The following SCGB2B2 variants were observed in gnomAD, a reference collection of about 807,000 sequenced individuals.
SCGB2B2 encodes secretoglobin family 2B member 2.
A neutral mutation model predicts 7.6 loss-of-function variants in SCGB2B2; 11 were observed. That is an observed-to-expected ratio of 1.45 (90% CI 0.91 to 2.40). SCGB2B2 has a LOEUF of 2.40. Ranked by LOEUF, SCGB2B2 falls within the 30% of genes most tolerant of loss-of-function variation. The pLI, the probability that SCGB2B2 is intolerant of heterozygous loss-of-function variation, is 0.00. For synonymous variants in SCGB2B2, 50 were observed against 48.6 expected, an observed-to-expected ratio of 1.03 and a Z score of -0.12; for missense variants, 104 against 115.4, an observed-to-expected ratio of 0.90 and a Z score of 0.45.
chr19:34,618,083 C>T (rs2066139713), intron 1 of SCGB2B2, among the ~76,000 whole-genome samples: 1 of 152,228 alleles, frequency 6.6e-6, no homozygotes, highest in Non-Finnish European at 1.5e-5. Flanking sequence ...ATGCAGAAAT[C>T]ACTCGTCTTC....
intron 1 of SCGB2B2, among the ~76,000 whole-genome samples, chr19:34,659,016 TAA>T (rs1222787210): frequency 6.6e-6 from 1 of 152,080 alleles, no homozygotes; most frequent in Non-Finnish European, 1.5e-5. Context: ...ATCCATCACA[TAA>T]ACAGAACCAA....
intron 1 of SCGB2B2, among the ~76,000 whole-genome samples, chr19:34,660,042 C>T (rs1600068682): frequency 6.6e-6 from 1 of 152,266 alleles, no homozygotes. Flanking sequence ...GAAAGGATTC[C>T]CTATTTAATA....
chr19:34,597,341 T>TGCCAGG (rs1273800165), intron 1 of SCGB2B2, among the ~76,000 whole-genome samples: 4 of 150,962 alleles, frequency 2.6e-5, no homozygotes, highest in South Asian at 2.1e-4. Context: ...GCACTTTCTA[T>TGCCAGG]GCCAGGGCCA....
intron 1 of SCGB2B2, among the ~76,000 whole-genome samples, chr19:34,659,105 A>C (rs184814086): frequency 1.3e-3 from 199 of 152,220 alleles, no homozygotes; most frequent in African/African-American, 4.6e-3. Flanking sequence ...CATCCTAAAA[A>C]CTCTCAATAA....
At chr19:34,619,559 T>A (rs908600855) in intron 1 of SCGB2B2, among the ~76,000 whole-genome samples, 8 of 151,886 alleles carry the variant, frequency 5.3e-5, no homozygotes, top group African/African-American at 1.9e-4. Context: ...AGATGTAGAA[T>A]CTCCCCAAAG....
intron 1 of SCGB2B2, among the ~76,000 whole-genome samples, chr19:34,673,182 G>C (rs1444137370): frequency 3.9e-5 from 6 of 152,170 alleles, no homozygotes; most frequent in Admixed American, 3.9e-4. Context: ...TAGTGGAAGG[G>C]AGTGGGTTGA....
chr19:34,608,472 C>G (rs548019266), intron 1 of SCGB2B2, among the ~76,000 whole-genome samples: 16 of 150,808 alleles, frequency 1.1e-4, no homozygotes, highest in Admixed American at 7.3e-4. Context: ...TTTTCCTTGC[C>G]TCTAGTGACC....
chr19:34,659,133 C>T (rs150489556), intron 1 of SCGB2B2, among the ~76,000 whole-genome samples: 243 of 152,196 alleles, frequency 1.6e-3, no homozygotes, highest in Middle Eastern at 3.4e-3. Flanking sequence ...ATTGATGGGA[C>T]GTATCTCAAA....
At chr19:34,644,979 C>G (rs2066955913) in intron 1 of SCGB2B2, among the ~76,000 whole-genome samples, 1 of 152,224 alleles carries the variant, frequency 6.6e-6, no homozygotes, top group Admixed American at 6.5e-5. Flanking sequence ...CACAGATGAG[C>G]AAGCTGAGTT....
intron 1 of SCGB2B2, among the ~76,000 whole-genome samples, chr19:34,666,513 ACAGGAAGGGGGCGGGTACCTGG>A (rs2067626957): frequency 6.6e-6 from 1 of 151,930 alleles, no homozygotes; most frequent in East Asian, 1.9e-4. Flanking sequence ...GCACCACCGG[ACAGGAAGGGGGCGGGTACCTGG>A]CAGATGCCAC....
intron 1 of SCGB2B2, among the ~76,000 whole-genome samples, chr19:34,660,944 A>G (rs541187600): frequency 6.6e-6 from 1 of 152,240 alleles, no homozygotes; most frequent in Non-Finnish European, 1.5e-5. Context: ...CTATGCAGCC[A>G]TAAGAATGGA....
chr19:34,629,538 A>G (rs1600055707), intron 1 of SCGB2B2, among the ~76,000 whole-genome samples: 1 of 152,124 alleles, frequency 6.6e-6, no homozygotes, highest in East Asian at 1.9e-4. Flanking sequence ...AGAAAATAAA[A>G]TACCTAGGAA....
rs1265543650 is a variant in SCGB2B2, at chr19:34,593,547, T to C, written c.*8A>G. The C allele has an allele frequency of 1.9e-6, 3 of 1,546,570 alleles. No homozygotes were observed. The highest frequency in any genetic ancestry group is 2.6e-6 in the Non-Finnish European group (3 of 1,142,988). On this transcript the variant is annotated 3_prime_UTR_variant, in exon 4 of 4. Transcript: ENST00000601241. ...AGGGCCAATATCTGATCTGCAGGGG[T>C]CCTCAGATCAGAAGGCTGCTTCTAT...
chr19:34,649,148 C>T (rs1236961450), intron 1 of SCGB2B2, among the ~76,000 whole-genome samples: 9 of 152,098 alleles, frequency 5.9e-5, no homozygotes, highest in Non-Finnish European at 7.4e-5. Flanking sequence ...CCTCGTGATC[C>T]GCCCACCTCG....
intron 1 of SCGB2B2, among the ~76,000 whole-genome samples, chr19:34,671,006 C>T (rs1406433560): frequency 6.6e-6 from 1 of 152,198 alleles, no homozygotes; most frequent in Non-Finnish European, 1.5e-5. Flanking sequence ...TCACTTCAAC[C>T]TCCGCCTCCC....
chr19:34,614,865 T>C (rs2066027761), intron 1 of SCGB2B2, among the ~76,000 whole-genome samples: 1 of 152,224 alleles, frequency 6.6e-6, no homozygotes, highest in Admixed American at 6.5e-5. Flanking sequence ...GTAGTTTCCT[T>C]ATCTGTGTTG....
chr19:34,651,889 C>G (rs1156721655), intron 1 of SCGB2B2, among the ~76,000 whole-genome samples: 1 of 151,228 alleles, frequency 6.6e-6, no homozygotes, highest in African/African-American at 2.5e-5. Flanking sequence ...GACTACAAAG[C>G]TATAGTAAAC....
At chr19:34,605,532 CAAT>C (rs1445072686) in intron 1 of SCGB2B2, among the ~76,000 whole-genome samples, 1 of 152,144 alleles carries the variant, frequency 6.6e-6, no homozygotes, top group Non-Finnish European at 1.5e-5. Flanking sequence ...TGGCTTCTTT[CAAT>C]AATTTTCTCA....
rs1568445232 is a variant in SCGB2B2, at chr19:34,672,148, G to T, written c.-2032+3482C>A. On this transcript the variant is annotated intron_variant, in intron 1 of 3. Coordinates refer to ENST00000601241, the MANE Select transcript of SCGB2B2 (RefSeq NM_001025591.4). ...AAAATAAATAATTAAATGAATAAAT[G>T]AATAAATAAATAAATAAACTATGTA... Among the ~76,000 whole-genome samples the T allele has an allele frequency of 2.0e-5, 3 of 151,494 alleles. No individual in the cohort carries two copies. In the South Asian group the frequency reaches 6.2e-4, roughly 32 times the overall value.
Sources: gnomAD v4.1 joint callset for allele counts (sites outside exome capture counted in the v4.1 genomes callset) on GRCh38, gnomAD v4.1.1 for gene constraint, MANE v1.5 for transcripts, NCBI Gene and HGNC (gene_info 2026-07-23, HGNC 2026-07-21) for gene names.